The following KCNJ6 variants were observed in gnomAD, a reference collection of about 807,000 sequenced individuals.
KCNJ6 encodes the protein potassium inwardly rectifying channel subfamily J member 6, also known as G protein-activated inward rectifier potassium channel 2.
Under a neutral mutation model 34.2 loss-of-function variants are expected in KCNJ6, and 9 were observed. The observed-to-expected ratio is 0.26, with a 90% CI of 0.16 to 0.46. The LOEUF (loss-of-function observed/expected upper bound fraction) is 0.46. Ranked by LOEUF, KCNJ6 falls within the 20% of genes least tolerant of loss-of-function variation. KCNJ6 has a pLI of 1.00. For synonymous variants in KCNJ6, 196 were observed against 207.1 expected, an observed-to-expected ratio of 0.95 and a Z score of 0.46; for missense variants, 236 against 531.3, an observed-to-expected ratio of 0.44 and a Z score of 5.46.
chr21:37,776,629 C>T (rs2055143928), intron 2 of KCNJ6, among the ~76,000 whole-genome samples: 2 of 152,124 alleles, frequency 1.3e-5, no homozygotes, highest in African/African-American at 4.8e-5. Flanking sequence ...GTCATTGGTT[C>T]TGTTTATATG....
At chr21:37,720,575 T>G (rs554455882) in intron 2 of KCNJ6, among the ~76,000 whole-genome samples, 3 of 152,216 alleles carry the variant, frequency 2.0e-5, no homozygotes. Flanking sequence ...GGGACAGATG[T>G]CATCTTTCTC....
chr21:37,787,884 T>C (rs917565047), intron 2 of KCNJ6, among the ~76,000 whole-genome samples: 1 of 152,228 alleles, frequency 6.6e-6, no homozygotes, highest in Non-Finnish European at 1.5e-5. Flanking sequence ...CATGGTTCCA[T>C]CAGTAGTGAC....
At chr21:37,882,299 A>G (rs1207951050) in intron 1 of KCNJ6, among the ~76,000 whole-genome samples, 3 of 152,166 alleles carry the variant, frequency 2.0e-5, no homozygotes, top group African/African-American at 7.2e-5. Context: ...TGTGCTCAGA[A>G]TCCACACAAC....
intron 2 of KCNJ6, among the ~76,000 whole-genome samples, chr21:37,763,872 C>A (rs1414825661): frequency 6.6e-6 from 1 of 152,156 alleles, no homozygotes; most frequent in East Asian, 1.9e-4. Flanking sequence ...ATGGGTGCAG[C>A]ACACCAACAT....
At position 37,623,842 on chromosome 21, in the gene KCNJ6, G is replaced by A. The variant is rs1026606124; in HGVS notation, c.*1317C>T. The A allele has an allele frequency of 1.3e-5, 2 of 152,198 alleles. No homozygotes were observed. The highest frequency in any genetic ancestry group is 3.9e-4 in the East Asian group (2 of 5,190). 9.4% of individuals were successfully genotyped at this position (152,198 alleles called of 1,614,324 possible). Reference sequence around the variant, plus strand: ...AATAAAAGATCACAATGCAAGAAATGCTGATGGATAAGCCCCAGGGACAGG... The same window carrying A: ...AATAAAAGATCACAATGCAAGAAATACTGATGGATAAGCCCCAGGGACAGG... On this transcript the variant is annotated 3_prime_UTR_variant, in exon 4 of 4. Coordinates refer to ENST00000609713, the MANE Select transcript of KCNJ6 (RefSeq NM_002240.5).
intron 1 of KCNJ6, among the ~76,000 whole-genome samples, chr21:37,848,359 A>G (rs1404763715): frequency 1.3e-5 from 2 of 152,228 alleles, no homozygotes; most frequent in Non-Finnish European, 2.9e-5. Context: ...TAAAGTTTCT[A>G]AAATAATCTG....
chr21:37,631,396 G>A (rs2054333126), intron 3 of KCNJ6, among the ~76,000 whole-genome samples: 2 of 152,200 alleles, frequency 1.3e-5, no homozygotes, highest in South Asian at 4.1e-4. Context: ...TGCTGGAAAA[G>A]TACAAAATTC....
intron 1 of KCNJ6, among the ~76,000 whole-genome samples, chr21:37,894,696 T>A (rs2055779330): frequency 6.6e-6 from 1 of 151,996 alleles, no homozygotes; most frequent in African/African-American, 2.4e-5. Flanking sequence ...ATTGTACCAC[T>A]CAGCTCCCTC....
intron 1 of KCNJ6, among the ~76,000 whole-genome samples, chr21:37,910,391 C>A (rs1433381764): frequency 1.3e-5 from 2 of 152,126 alleles, no homozygotes; most frequent in South Asian, 2.1e-4. Context: ...TGAAAAAAAT[C>A]AATTCTTATC....
intron 2 of KCNJ6, among the ~76,000 whole-genome samples, chr21:37,831,714 T>C (rs77235455): frequency 0.015 from 2,251 of 152,218 alleles, 59 homozygotes; most frequent in African/African-American, 0.05. Context: ...TCCAGTCCTG[T>C]AGCTCACCTA....
At chr21:37,660,152 TCA>T (rs577247671) in intron 3 of KCNJ6, among the ~76,000 whole-genome samples, 2 of 152,288 alleles carry the variant, frequency 1.3e-5, no homozygotes, top group Admixed American at 1.3e-4. Context: ...CGTGCAGAGC[TCA>T]CTGTCCAGGC....
chr21:37,744,973 G>C (rs900126357), intron 2 of KCNJ6, among the ~76,000 whole-genome samples: 5 of 152,050 alleles, frequency 3.3e-5, no homozygotes, highest in African/African-American at 1.2e-4. Flanking sequence ...CAGTCAGCTG[G>C]AAGATTATCC....
chr21:37,745,838 T>G (rs1432687686), intron 2 of KCNJ6, among the ~76,000 whole-genome samples: 11 of 152,148 alleles, frequency 7.2e-5, no homozygotes. Context: ...CACGTCCCAC[T>G]AGGGCAGCGG....
intron 1 of KCNJ6, among the ~76,000 whole-genome samples, chr21:37,856,131 G>A (rs1161126319): frequency 2.6e-5 from 4 of 152,194 alleles, no homozygotes; most frequent in Non-Finnish European, 4.4e-5. Context: ...GGTGGGGAAG[G>A]GGAGGGAAGA....
chr21:37,849,314 C>T (rs1286255194), intron 1 of KCNJ6, among the ~76,000 whole-genome samples: 2 of 152,140 alleles, frequency 1.3e-5, no homozygotes, highest in African/African-American at 4.8e-5. Flanking sequence ...TGTGGTTCAG[C>T]GTCTCTCTGG....
intron 2 of KCNJ6, among the ~76,000 whole-genome samples, chr21:37,808,989 T>A (rs991687639): frequency 2.6e-5 from 4 of 152,196 alleles, no homozygotes; most frequent in African/African-American, 4.8e-5. Context: ...CTGAGAAAAC[T>A]AGAAATACCA....
At chr21:37,796,919 G>A (rs1267307115) in intron 2 of KCNJ6, among the ~76,000 whole-genome samples, 66 of 147,336 alleles carry the variant, frequency 4.5e-4, no homozygotes, top group African/African-American at 1.4e-3. Flanking sequence ...TCAGCCTCCC[G>A]AGTAGCTGGG....
At position 37,621,355 on chromosome 21, in the gene KCNJ6, A is replaced by AT. The variant is rs1407191933; in HGVS notation, c.*3803dup. 1 of 152,202 alleles carries AT rather than the reference A, an allele frequency of 6.6e-6. No homozygotes were observed. Among genetic ancestry groups the AT allele is most frequent in the Non-Finnish European group, 1.5e-5 (1 of 68,032 alleles). 9.4% of individuals were successfully genotyped at this position (152,202 alleles called of 1,614,324 possible). ...CAGGTAGTTTTCTAATAGCATTCTT[A>AT]TGCCCCCTTTCTCTGTCCACCAGTT... On this transcript the variant is annotated 3_prime_UTR_variant, in exon 4 of 4. Coordinates refer to ENST00000609713, the MANE Select transcript of KCNJ6 (RefSeq NM_002240.5).
At chr21:37,847,709 G>T (rs2055516477) in intron 1 of KCNJ6, among the ~76,000 whole-genome samples, 1 of 150,622 alleles carries the variant, frequency 6.6e-6, no homozygotes, top group South Asian at 2.1e-4. Context: ...GACATCGATA[G>T]AAAGAGGAAC....
Sources: gnomAD v4.1 joint callset for allele counts (sites outside exome capture counted in the v4.1 genomes callset) on GRCh38, gnomAD v4.1.1 for gene constraint, MANE v1.5 for transcripts, NCBI Gene and HGNC (gene_info 2026-07-23, HGNC 2026-07-21) for gene names.